MGST1: variants seen among roughly 807,000 people sequenced by gnomAD.
MGST1 encodes the protein microsomal glutathione S-transferase 1.
A neutral mutation model predicts 8.9 loss-of-function variants in MGST1; 5 were observed. The observed-to-expected ratio is 0.56, with a 90% CI of 0.29 to 1.19. The LOEUF (loss-of-function observed/expected upper bound fraction) is 1.19, where lower values mean the gene tolerates loss of function less well. Among genes scored for constraint, MGST1 ranks in the 50% most tolerant of loss-of-function variants. The pLI is 0.08. For synonymous variants in MGST1, 54 were observed against 67.8 expected, an observed-to-expected ratio of 0.80 and a Z score of 1.00; for missense variants, 182 against 187.4, an observed-to-expected ratio of 0.97 and a Z score of 0.17.
rs1311570439 is a variant in MGST1, at chr12:16,537,560, C to T, written n.483-51968C>T. Among the ~76,000 whole-genome samples, 1 of 152,250 alleles carries T rather than the reference C, an allele frequency of 6.6e-6. No homozygotes were observed. Among genetic ancestry groups the T allele is most frequent in the Admixed American group, 6.5e-5 (1 of 15,286 alleles). On this transcript the variant is annotated intron_variant and non_coding_transcript_variant, in intron 4 of 4. Transcript: ENST00000538857. The surrounding 1 kb of genome is among the most constrained non-coding windows in gnomAD (Gnocchi z 4.6). ...ATTCTCCATGAGGGCCCTGCCTCTG[C>T]AGCACACTTTTGCCTGGACATTCAG...
At chr12:16,437,040 G>A (rs955307482) in intron 1 of MGST1, among the ~76,000 whole-genome samples, 1 of 151,932 alleles carries the variant, frequency 6.6e-6, no homozygotes, top group African/African-American at 2.4e-5. Flanking sequence ...GGAATGAAGA[G>A]CAAGGGCATA....
intron 4 of MGST1, among the ~76,000 whole-genome samples, chr12:16,477,248 G>T (rs1941329685): frequency 1.3e-5 from 2 of 152,006 alleles, no homozygotes; most frequent in African/African-American, 2.4e-5. Context: ...ATTTTTTTCT[G>T]AGTGTAAGAT....
intron 4 of MGST1, among the ~76,000 whole-genome samples, chr12:16,577,178 T>A (rs563805463): frequency 6.6e-6 from 1 of 152,274 alleles, no homozygotes; most frequent in South Asian, 2.1e-4. Flanking sequence ...CCCATTACTC[T>A]AAAGAGTTAA....
intron 1 of MGST1, among the ~76,000 whole-genome samples, chr12:16,435,446 T>C (rs899320198): frequency 6.6e-6 from 1 of 151,932 alleles, no homozygotes; most frequent in Non-Finnish European, 1.5e-5. Context: ...TAAACTTGAT[T>C]TTCTTCATTT....
At chr12:16,376,274 A>C (rs968396558) in exon 4 of MGST1, 29 of 534,076 alleles carry the variant, frequency 5.4e-5, no homozygotes, top group Non-Finnish European at 9.2e-5. Flanking sequence ...TAATGAGTTA[A>C]TGGATTCAAG....
chr12:16,481,635 T>C (rs1466359764), intron 4 of MGST1, among the ~76,000 whole-genome samples: 5 of 152,146 alleles, frequency 3.3e-5, no homozygotes, highest in Non-Finnish European at 7.4e-5. Flanking sequence ...AGGAGTAGAT[T>C]GGACATGGCT....
At chr12:16,490,576 A>G (rs1941432279) in intron 4 of MGST1, among the ~76,000 whole-genome samples, 1 of 152,206 alleles carries the variant, frequency 6.6e-6, no homozygotes. Flanking sequence ...CAAGTATTGT[A>G]TTCTGTACTG....
Position 16,500,663 on chromosome 12 carries a change from G to A in MGST1, n.483-88865G>A, listed in dbSNP as rs1413659236. 6.6e-6 allele frequency among the ~76,000 whole-genome samples: 1 copy of A among 151,394 alleles called. No homozygotes were observed. Among genetic ancestry groups the A allele is most frequent in the East Asian group, 2.0e-4 (1 of 5,094 alleles). On this transcript the variant is annotated intron_variant and non_coding_transcript_variant, in intron 4 of 4. Coordinates refer to the MGST1 transcript ENST00000538857. The surrounding 1 kb of genome is among the most constrained non-coding windows in gnomAD (Gnocchi z 4.3). Reference sequence around the variant, plus strand: ...CAGAGACTTAGAAGGCCTTTGCCCAGGATGATGTTTACACATAGCAGGTGC... The same window carrying A: ...CAGAGACTTAGAAGGCCTTTGCCCAAGATGATGTTTACACATAGCAGGTGC...
chr12:16,379,484 C>G (rs1231861544), downstream of MGST1, among the ~76,000 whole-genome samples: 2 of 152,168 alleles, frequency 1.3e-5, no homozygotes, highest in Non-Finnish European at 2.9e-5. Flanking sequence ...AGCCTTGCAT[C>G]CCAGGGATGA....
chr12:16,384,869 G>A (rs2137045873), intron 1 of MGST1, among the ~76,000 whole-genome samples: 1 of 152,346 alleles, frequency 6.6e-6, no homozygotes, highest in Non-Finnish European at 1.5e-5. Context: ...GTGGGATGCA[G>A]AAGGCAGCTG....
At chr12:16,550,171 T>C (rs915280780) in intron 4 of MGST1, 9 of 152,112 alleles carry the variant, frequency 5.9e-5, no homozygotes, top group African/African-American at 2.2e-4. Flanking sequence ...TCAATGTGCA[T>C]TATAGTGATT....
intron 1 of MGST1, among the ~76,000 whole-genome samples, chr12:16,387,198 GAA>G (rs1211572543): frequency 2.0e-5 from 3 of 151,316 alleles, no homozygotes; most frequent in African/African-American, 7.3e-5. Flanking sequence ...GTATAAATGG[GAA>G]AAAAAACAGC....
chr12:16,477,700 G>T (rs1941333386), intron 4 of MGST1, among the ~76,000 whole-genome samples: 1 of 152,134 alleles, frequency 6.6e-6, no homozygotes, highest in Non-Finnish European at 1.5e-5. Context: ...ATCTAAGGAA[G>T]ATTTACTTGA....
intron 4 of MGST1, among the ~76,000 whole-genome samples, chr12:16,566,481 C>T (rs1420755941): frequency 6.6e-6 from 1 of 151,888 alleles, no homozygotes; most frequent in Non-Finnish European, 1.5e-5. Context: ...TAGATCATTA[C>T]ACAAAATATA....
chr12:16,393,926 A>T (rs1413231348), intron 1 of MGST1, among the ~76,000 whole-genome samples: 1 of 152,238 alleles, frequency 6.6e-6, no homozygotes, highest in Non-Finnish European at 1.5e-5. Flanking sequence ...TATCCAGTTT[A>T]TGAACATTTA....
In MGST1 at chr12:16,357,712, C is replaced by G; in HGVS notation, c.221+13C>G. On this transcript the variant is annotated intron_variant, in intron 3 of 3. Transcript: ENST00000396210. ...AACGTGTACGCAGGTAAACCAGTGTCTCTTGAAATTACTTACTTTATGAAA... is the reference window on the plus strand; with the variant it reads ...AACGTGTACGCAGGTAAACCAGTGTGTCTTGAAATTACTTACTTTATGAAA... 1 of 1,601,224 alleles carries G rather than the reference C, an allele frequency of 6.2e-7. No homozygotes were observed. Among genetic ancestry groups the G allele is most frequent in the Non-Finnish European group, 8.5e-7 (1 of 1,172,618 alleles).
In MGST1 at chr12:16,560,641, A is replaced by G; in HGVS notation, n.483-28887A>G. The G allele has an allele frequency of 3.1e-6, 3 of 965,556 alleles. No homozygotes were observed. The highest frequency in any genetic ancestry group is 3.1e-6 in the Non-Finnish European group (2 of 640,842). The allele number at this position is 965,556 out of a possible 1,614,324, so 59.8% of individuals were successfully genotyped here. A position where few individuals can be genotyped will look rare whatever the true frequency, so the allele number is the denominator to read the frequency against. ...ATACTCTGTAAAGCTACAATACACAATGCTTTATGATGTACACAAGTGGAT... is the reference window on the plus strand; with the variant it reads ...ATACTCTGTAAAGCTACAATACACAGTGCTTTATGATGTACACAAGTGGAT... On this transcript the variant is annotated intron_variant and non_coding_transcript_variant, in intron 4 of 4. Transcript: ENST00000538857. This position sits in a 1 kb window ranked among gnomAD's most constrained non-coding sequence, Gnocchi z 5.0.
At chr12:16,418,916 T>C (rs951925048) in intron 1 of MGST1, among the ~76,000 whole-genome samples, 10 of 152,114 alleles carry the variant, frequency 6.6e-5, no homozygotes, top group Admixed American at 1.3e-4. Flanking sequence ...ACTGATCAAT[T>C]TGGAGAACTC....
At chr12:16,481,584 T>C (rs1318269164) in intron 4 of MGST1, among the ~76,000 whole-genome samples, 1 of 152,050 alleles carries the variant, frequency 6.6e-6, no homozygotes, top group Non-Finnish European at 1.5e-5. Flanking sequence ...TTATAATAAT[T>C]AACACTACAG....
Sources: allele counts gnomAD v4.1 joint callset (sites outside exome capture counted in the v4.1 genomes callset), GRCh38; gene constraint gnomAD v4.1.1; non-coding constraint Gnocchi (gnomAD v3.1); transcripts MANE v1.5; gene names NCBI Gene and HGNC (gene_info 2026-07-23, HGNC 2026-07-21).